The following MYOM1 variants were observed in gnomAD, a reference collection of about 807,000 sequenced individuals.
MYOM1 encodes the protein myomesin 1, also known as myomesin-1.
A neutral mutation model predicts 205.3 loss-of-function variants in MYOM1; 164 were observed. The observed-to-expected ratio is 0.80, with a 90% confidence interval of 0.70 to 0.91. The LOEUF (loss-of-function observed/expected upper bound fraction) is 0.91. Among genes scored for constraint, MYOM1 ranks in the 40% least tolerant of loss-of-function variants. The pLI is 0.00. For synonymous variants in MYOM1, 772 were observed against 789.4 expected, an observed-to-expected ratio of 0.98 and a Z score of 0.37; for missense variants, 2,011 against 2,127.3, an observed-to-expected ratio of 0.95 and a Z score of 1.08.
At chr18:3,162,179 G>A (rs1483552259) in intron 10 of MYOM1, among the ~76,000 whole-genome samples, 1 of 152,048 alleles carries the variant, frequency 6.6e-6, no homozygotes, top group African/African-American at 2.4e-5. Flanking sequence ...TCTGGCTAAG[G>A]AGGGCCTGCC....
At chr18:3,245,293 T>A in the MYOM1 span, among the ~76,000 whole-genome samples, 1 of 152,090 alleles carries the variant, frequency 6.6e-6, no homozygotes, top group Non-Finnish European at 1.5e-5. Context: ...GAGGATGGCT[T>A]GAGCCTGGGA....
chr18:3,136,920 A>G (rs1368147591), intron 14 of MYOM1, among the ~76,000 whole-genome samples: 1 of 152,002 alleles, frequency 6.6e-6, no homozygotes, highest in South Asian at 2.1e-4. Context: ...CAAATAGTAC[A>G]TAATCAACTA....
At position 3,085,383 on chromosome 18, in the gene MYOM1, T is replaced by A. The variant is rs113257111; in HGVS notation, c.4252-251A>T. Among the ~76,000 whole-genome samples, 721 of 151,852 alleles carry A rather than the reference T, an allele frequency of 4.7e-3. 5 individuals carry two copies. Among genetic ancestry groups the A allele is most frequent in the African/African-American group, 0.017 (695 of 41,396 alleles). ...CCTTGACCTACCAAAAGCACTGGGA[T>A]TACAGGTGTGAGCCACTGCACCTCA... On this transcript the variant is annotated intron_variant, in intron 30 of 37. Coordinates refer to ENST00000356443, the MANE Select transcript of MYOM1 (RefSeq NM_003803.4).
At chr18:3,108,840 A>C (rs948968760) in intron 22 of MYOM1, among the ~76,000 whole-genome samples, 19 of 151,986 alleles carry the variant, frequency 1.3e-4, no homozygotes. Context: ...TGTCCGGCCA[A>C]TGACAGCATT....
chr18:3,131,252 C>T, intron 17 of MYOM1, 123 bp downstream of exon 17: 1 of 1,084,414 alleles, frequency 9.2e-7, no homozygotes. Context: ...AGAAAATGAT[C>T]ATCTAAGGAT....
At chr18:3,079,112 T>C in intron 34 of MYOM1, 67 bp downstream of exon 34, 1 of 1,520,860 alleles carries the variant, frequency 6.6e-7, no homozygotes, top group Non-Finnish European at 9.0e-7. Flanking sequence ...CATGCCCAAC[T>C]CCCTTCATTC....
At chr18:3,095,290 C>T (rs575458244) in intron 25 of MYOM1, among the ~76,000 whole-genome samples, 4 of 152,032 alleles carry the variant, frequency 2.6e-5, no homozygotes, top group Admixed American at 1.3e-4. Flanking sequence ...AATATAAGGC[C>T]GGGCATGGTG....
chr18:3,157,616 G>A (rs1419846613), intron 10 of MYOM1, among the ~76,000 whole-genome samples: 5 of 151,546 alleles, frequency 3.3e-5, no homozygotes, highest in South Asian at 4.2e-4. Flanking sequence ...GGTAGAGGCT[G>A]CAGTAAGCTA....
the MYOM1 span, among the ~76,000 whole-genome samples, chr18:3,242,629 C>T: frequency 6.6e-6 from 1 of 152,168 alleles, no homozygotes; most frequent in South Asian, 2.1e-4. Context: ...CAACCTCAGC[C>T]TCCCGAGTAG....
At chr18:3,139,567 T>C (rs1447750684) in intron 14 of MYOM1, among the ~76,000 whole-genome samples, 1 of 152,170 alleles carries the variant, frequency 6.6e-6, no homozygotes, top group African/African-American at 2.4e-5. Context: ...CTTTTCCCTT[T>C]AGAAAGGTTA....
At chr18:3,214,278 C>T (rs1348621889) in intron 2 of MYOM1, among the ~76,000 whole-genome samples, 1 of 152,148 alleles carries the variant, frequency 6.6e-6, no homozygotes. Flanking sequence ...ATTCTGAGCG[C>T]AAGGAAACCC....
chr18:3,176,650 G>A (rs2080644721), intron 5 of MYOM1, among the ~76,000 whole-genome samples: 1 of 152,136 alleles, frequency 6.6e-6, no homozygotes, highest in Admixed American at 6.5e-5. Context: ...GGAAGCCGAG[G>A]CGGGCAAATC....
rs1040983340 is a variant in MYOM1, at chr18:3,129,177, G to A, written c.2794+55C>T. 8 of 1,554,764 alleles carry A rather than the reference G, an allele frequency of 5.1e-6. No individual in the cohort carries two copies. In the African/African-American group the frequency reaches 1.1e-4, roughly 21 times the overall value. On this transcript the variant is annotated intron_variant, in intron 18 of 37. Coordinates refer to ENST00000356443, the MANE Select transcript of MYOM1 (RefSeq NM_003803.4). The stretch of plus-strand genomic sequence containing the variant: ...ATGAAGGATGTGATGTAGACGATGA[G>A]AGGTGAGGACAGTGATGGAGACGGA...
intron 10 of MYOM1, among the ~76,000 whole-genome samples, chr18:3,163,027 A>C (rs1309227159): frequency 5.2e-5 from 3 of 58,038 alleles, no homozygotes; most frequent in Non-Finnish European, 9.6e-5. Flanking sequence ...ACTCCCACTC[A>C]AAAAAACAAA....
intron 2 of MYOM1, among the ~76,000 whole-genome samples, chr18:3,197,335 G>T (rs1027295527): frequency 7.2e-5 from 11 of 151,768 alleles, no homozygotes; most frequent in Non-Finnish European, 1.0e-4. Context: ...ACAGAGTTTC[G>T]CCATGTTGGC....
intron 3 of MYOM1, 62 bp downstream of exon 3, chr18:3,193,756 T>C (rs1161917833): frequency 2.0e-6 from 3 of 1,494,874 alleles, no homozygotes; most frequent in African/African-American, 1.4e-5. Context: ...TAATCTGCCA[T>C]TCCTATAGCA....
Position 3,131,488 on chromosome 18 carries a change from C to A in MYOM1, c.2393G>T (p.Cys798Phe). 1 of 1,609,908 alleles carries A rather than the reference C, an allele frequency of 6.2e-7. No homozygotes were observed. The highest frequency in any genetic ancestry group is 8.5e-7 in the Non-Finnish European group (1 of 1,178,716). Residue 798 changes from cysteine to phenylalanine, a missense_variant, in exon 17 of 38, where the codon TGT (cysteine) becomes TTT (phenylalanine). Physicochemically the swap from Cys to Phe is radical, Grantham distance 205. Transcript: ENST00000356443. ...NNPVKGSRFTCHGLVTGQSYI... is the reference protein window; with the variant it reads ...NNPVKGSRFTFHGLVTGQSYI... Reference sequence around the variant, plus strand: ...ACTCTGACCAGTCACTAATCCATGACAAGTGAATCTAAAAGGAAAACAAGT... The same window carrying A: ...ACTCTGACCAGTCACTAATCCATGAAAAGTGAATCTAAAAGGAAAACAAGT...
At chr18:3,074,436 T>G (rs569023812) in intron 36 of MYOM1, among the ~76,000 whole-genome samples, 99 of 152,298 alleles carry the variant, frequency 6.5e-4, no homozygotes, top group African/African-American at 2.3e-3. Context: ...CCAGCTCAGG[T>G]GGACTCTACC....
At chr18:3,116,687 C>G (rs1384782642) in intron 20 of MYOM1, among the ~76,000 whole-genome samples, 172 bp from the exon 21 acceptor site, 1 of 152,166 alleles carries the variant, frequency 6.6e-6, no homozygotes, top group African/African-American at 2.4e-5. Context: ...CGTTTTCGTA[C>G]TGCTCTACAT....
Sources: allele counts gnomAD v4.1 joint callset (sites outside exome capture counted in the v4.1 genomes callset), GRCh38; gene constraint gnomAD v4.1.1; transcripts MANE v1.5; gene names NCBI Gene and HGNC (gene_info 2026-07-23, HGNC 2026-07-21).